Variants in SH3PXD2A observed in about 807,000 individuals in gnomAD.
The protein encoded by SH3PXD2A is SH3 and PX domains 2A, also known as SH3 and PX domain-containing protein 2A.
A neutral mutation model predicts 115.2 loss-of-function variants in SH3PXD2A; 32 were observed. The observed-to-expected ratio is 0.28, with a 90% CI of 0.21 to 0.37. The LOEUF (loss-of-function observed/expected upper bound fraction) is 0.37, where lower values mean the gene tolerates loss of function less well. Among genes scored for constraint, SH3PXD2A ranks in the 10% least tolerant of loss-of-function variants. SH3PXD2A has a pLI of 1.00. For missense variants in SH3PXD2A, 1,328 were observed against 1,498.7 expected, an observed-to-expected ratio of 0.89 and a Z score of 1.88; for synonymous variants, 610 against 629.1, an observed-to-expected ratio of 0.97 and a Z score of 0.45.
chr10:103,690,824 A>G (rs1293280655), intron 6 of SH3PXD2A, among the ~76,000 whole-genome samples: 1 of 152,234 alleles, frequency 6.6e-6, no homozygotes, highest in Non-Finnish European at 1.5e-5. Flanking sequence ...AAATCTACCC[A>G]AGGTCACAGA....
At chr10:103,824,268 G>A (rs1370091752) in intron 1 of SH3PXD2A, among the ~76,000 whole-genome samples, 1 of 152,230 alleles carries the variant, frequency 6.6e-6, no homozygotes, top group Non-Finnish European at 1.5e-5. Flanking sequence ...AAGGCATGAG[G>A]AAGGGCAGAG....
At chr10:103,755,917 G>C (rs922987489) in intron 3 of SH3PXD2A, among the ~76,000 whole-genome samples, 3 of 152,150 alleles carry the variant, frequency 2.0e-5, no homozygotes, top group Admixed American at 1.3e-4. Context: ...AGCCTGCAGG[G>C]GTGTCGCCAG....
chr10:103,660,857 C>A, intron 8 of SH3PXD2A, 126 bp downstream of exon 8: 1 of 1,093,654 alleles, frequency 9.1e-7, no homozygotes, highest in Non-Finnish European at 1.4e-6. Flanking sequence ...GCCGCCTCGG[C>A]CCTCTCTCTG....
Position 103,789,793 on chromosome 10 carries a change from A to T in SH3PXD2A, c.153+11489T>A, listed in dbSNP as rs1433578172. Among the ~76,000 whole-genome samples the T allele has an allele frequency of 2.0e-5, 3 of 152,322 alleles. No individual in the cohort carries two copies. In the South Asian group the frequency reaches 6.2e-4, roughly 32 times the overall value. ...TGCATTCCAACGCCTCCCTGACGTG[A>T]CACCCAAACACACCCTGACATGACA... On this transcript the variant is annotated intron_variant, in intron 2 of 14. Coordinates refer to ENST00000369774, the MANE Select transcript of SH3PXD2A (RefSeq NM_001394015.1).
At chr10:103,740,485 G>C (rs1051890442) in intron 3 of SH3PXD2A, among the ~76,000 whole-genome samples, 3 of 152,172 alleles carry the variant, frequency 2.0e-5, no homozygotes, top group African/African-American at 7.2e-5. Context: ...ACTCCCATGA[G>C]AGCCAGGGCC....
intron 3 of SH3PXD2A, among the ~76,000 whole-genome samples, chr10:103,751,258 T>C (rs1564880323): frequency 6.6e-6 from 1 of 152,264 alleles, no homozygotes. Context: ...CAGTCATTCA[T>C]GCTACACATG....
chr10:103,774,378 C>A (rs1388331511), intron 2 of SH3PXD2A, among the ~76,000 whole-genome samples: 1 of 152,174 alleles, frequency 6.6e-6, no homozygotes, highest in Non-Finnish European at 1.5e-5. Flanking sequence ...AATTATGGCA[C>A]TTTTAAGTTT....
At chr10:103,776,951 C>A (rs1208595234) in intron 2 of SH3PXD2A, among the ~76,000 whole-genome samples, 1 of 152,190 alleles carries the variant, frequency 6.6e-6, no homozygotes, top group Non-Finnish European at 1.5e-5. Context: ...CACATTAAAA[C>A]AAAACATAAC....
chr10:103,730,232 C>CTTTTTTTTTTTT (rs67561170), intron 4 of SH3PXD2A, among the ~76,000 whole-genome samples: 1 of 118,252 alleles, frequency 8.5e-6, no homozygotes, highest in Non-Finnish European at 1.8e-5. Context: ...TTTCTCGTTT[C>CTTTTTTTTTTTT]TTTTTTTTTT....
At chr10:103,761,017 G>A (rs2038694657) in intron 3 of SH3PXD2A, among the ~76,000 whole-genome samples, 1 of 152,138 alleles carries the variant, frequency 6.6e-6, no homozygotes, top group Admixed American at 6.6e-5. Flanking sequence ...ATGCCTTTTT[G>A]TTGAGGATGG....
At chr10:103,767,285 C>T (rs552660710) in intron 2 of SH3PXD2A, 116 bp from the exon 3 acceptor site, 23 of 722,418 alleles carry the variant, frequency 3.2e-5, no homozygotes, top group Admixed American at 8.4e-5. Flanking sequence ...GGATGAGTGA[C>T]GCCTGAGATC....
intron 2 of SH3PXD2A, among the ~76,000 whole-genome samples, chr10:103,797,417 C>T (rs1223417329): frequency 6.6e-6 from 1 of 152,220 alleles, no homozygotes; most frequent in Admixed American, 6.5e-5. Context: ...CTCTCCATCT[C>T]TCCCAACCCT....
intron 1 of SH3PXD2A, among the ~76,000 whole-genome samples, chr10:103,836,515 C>G (rs902617754): frequency 2.6e-5 from 4 of 151,394 alleles, no homozygotes; most frequent in Non-Finnish European, 4.4e-5. Context: ...CACAGCACAT[C>G]CCCCAATACA....
intron 3 of SH3PXD2A, among the ~76,000 whole-genome samples, chr10:103,739,495 G>A (rs139953073): frequency 0.018 from 2,783 of 152,186 alleles, 44 homozygotes; most frequent in Middle Eastern, 0.037. Context: ...GGGATTCTCC[G>A]GTCTTGACTT....
At chr10:103,852,796 T>C (rs945062135) in intron 1 of SH3PXD2A, among the ~76,000 whole-genome samples, 7 of 152,236 alleles carry the variant, frequency 4.6e-5, no homozygotes, top group African/African-American at 1.4e-4. Flanking sequence ...TGTATTAATA[T>C]ATACAATGCC....
rs1466605785 is a variant in SH3PXD2A at position 103,597,521 on chromosome 10, A to G, written c.*4295T>C. ...CTCCAGGGACTGGGGCCTAGAGGTC[A>G]AGGGCCCCATGCCTGAATCCCTTTC... On this transcript the variant is annotated 3_prime_UTR_variant, in exon 15 of 15. Transcript: ENST00000369774. The G allele has an allele frequency of 1.3e-5, 2 of 152,218 alleles. No individual in the cohort carries two copies. Among genetic ancestry groups the G allele is most frequent in the African/African-American group, 4.8e-5 (2 of 41,442 alleles). The allele number at this position is 152,218 out of a possible 1,614,324, so 9.4% of individuals were successfully genotyped here. A position where few individuals can be genotyped will look rare whatever the true frequency, so the allele number is the denominator to read the frequency against.
intron 1 of SH3PXD2A, among the ~76,000 whole-genome samples, chr10:103,853,570 C>T (rs1257018336): frequency 2.6e-5 from 4 of 152,200 alleles, no homozygotes; most frequent in African/African-American, 9.7e-5. Flanking sequence ...AACCCCAGCA[C>T]GCAATCTTGC....
chr10:103,820,368 G>A (rs2039365692), intron 1 of SH3PXD2A, among the ~76,000 whole-genome samples: 1 of 152,118 alleles, frequency 6.6e-6, no homozygotes, highest in Admixed American at 6.5e-5. Context: ...GGGAAGAAGG[G>A]ACCTGCCAAG....
intron 1 of SH3PXD2A, among the ~76,000 whole-genome samples, chr10:103,852,756 C>G (rs1842908136): frequency 1.3e-5 from 2 of 152,300 alleles, no homozygotes; most frequent in African/African-American, 4.8e-5. Flanking sequence ...CTTTCTTTCC[C>G]CCTTTCAATT....
Sources: allele counts gnomAD v4.1 joint callset (sites outside exome capture counted in the v4.1 genomes callset), GRCh38; gene constraint gnomAD v4.1.1; transcripts MANE v1.5; gene names NCBI Gene and HGNC (gene_info 2026-07-23, HGNC 2026-07-21).